Variants in PKD1L3 observed in about 807,000 individuals in gnomAD.
PKD1L3 encodes the protein polycystin 1 like 3, transient receptor potential channel interacting, also known as polycystin-1-like protein 3.
PKD1L3 carries 239 observed loss-of-function variants against 184.1 expected under a neutral mutation model. The ratio of observed to expected loss-of-function variants is 1.30; its 90% CI spans 1.17 to 1.45. The LOEUF (loss-of-function observed/expected upper bound fraction) is 1.45. Among genes scored for constraint, PKD1L3 ranks in the 40% most tolerant of loss-of-function variants. The pLI is 0.00. For missense variants in PKD1L3, 2,660 were observed against 2,067.2 expected (o/e 1.29, Z -5.56); for synonymous variants, 996 against 778.8 (o/e 1.28, Z -4.64).
At position 71,934,610 on chromosome 16, in the gene PKD1L3, C is replaced by T. The variant is rs192285110; in HGVS notation, c.4614-485G>A. Among the ~76,000 whole-genome samples the T allele has an allele frequency of 2.2e-4, 34 of 152,190 alleles. No individual in the cohort carries two copies. The East Asian group carries it at 2.9e-3, about 13-fold the overall frequency. The stretch of plus-strand genomic sequence containing the variant: ...AAAATGATGGGTGGTAGACTAGAGG[C>T]GAGGGGTGTTGCTTAGCAATTAGGT... On this transcript the variant is annotated intron_variant, in intron 26 of 29. Coordinates refer to ENST00000620267, the MANE Select transcript of PKD1L3 (RefSeq NM_181536.2).
rs2037842753 is a variant in PKD1L3, at chr16:71,929,561, C to T, written c.5176G>A (p.Glu1726Lys). The part of the protein sequence containing the change: ...AATTAVGSDT[E>K]VLDELP ...GATTAAGGTAGTTCATCTAAAACTTCAGTGTCACTGCCCACTGCTGTCGTG... is the reference window on the plus strand; with the variant it reads ...GATTAAGGTAGTTCATCTAAAACTTTAGTGTCACTGCCCACTGCTGTCGTG... The change falls in exon 30 of 30, where the codon GAA becomes AAA. Residue 1726 changes from glutamate to lysine, a missense_variant. Coordinates refer to ENST00000620267, the MANE Select transcript of PKD1L3 (RefSeq NM_181536.2). 2.6e-6 allele frequency: 4 copies of T among 1,551,106 alleles called. No homozygotes were observed. In the African/African-American group the frequency reaches 4.1e-5, roughly 16 times the overall value.
intron 12 of PKD1L3, among the ~76,000 whole-genome samples, chr16:71,972,299 C>T (rs56121774): frequency 0.42 from 63,829 of 151,982 alleles, 13,825 homozygotes; most frequent in African/African-American, 0.47. Context: ...CTGGGGAGGC[C>T]GAGGCAGGAG....
intron 16 of PKD1L3, among the ~76,000 whole-genome samples, chr16:71,959,262 T>C (rs1275210391): frequency 6.6e-6 from 1 of 151,546 alleles, no homozygotes; most frequent in African/African-American, 2.4e-5. Flanking sequence ...AATACAAAAT[T>C]AGTCGGGCAT....
intron 16 of PKD1L3, among the ~76,000 whole-genome samples, chr16:71,961,465 C>T (rs374081261): frequency 6.6e-6 from 1 of 152,066 alleles, no homozygotes; most frequent in East Asian, 1.9e-4. Flanking sequence ...ACATAAAAGG[C>T]TAAAGCCCCT....
In PKD1L3 at chr16:71,935,254, T is replaced by C. The variant is rs541772665; in HGVS notation, c.4613+104A>G. ...AAGTTCTCTTTTAACTCTAATGTTA[T>C]GCAAATACAGATCTGGTAGGGGAGT... On this transcript the variant is annotated intron_variant, in intron 26 of 29. Coordinates refer to ENST00000620267, the MANE Select transcript of PKD1L3 (RefSeq NM_181536.2). 177 of 1,238,982 alleles carry C rather than the reference T, an allele frequency of 1.4e-4. 4 individuals carry two copies. Among genetic ancestry groups the C allele is most frequent in the South Asian group, 1.4e-3 (87 of 61,242 alleles). 76.7% of individuals were successfully genotyped at this position (1,238,982 alleles called of 1,614,324 possible). A position where few individuals can be genotyped will look rare whatever the true frequency, so the allele number is the denominator to read the frequency against.
At chr16:71,934,358 C>T (rs976578107) in intron 26 of PKD1L3, among the ~76,000 whole-genome samples, 5 of 152,046 alleles carry the variant, frequency 3.3e-5, no homozygotes, top group East Asian at 1.9e-4. Context: ...GGAGCTGTGC[C>T]GAAGAAGCCT....
Position 71,933,531 on chromosome 16 carries a change from A to C in PKD1L3, c.4825-10T>G. ...CAAACAGCAGGTTAAACTGAACAGA[A>C]GGAGAAAGGCCAGTTAGTGCAAGCC... On this transcript the variant is annotated splice_polypyrimidine_tract_variant and intron_variant, in intron 27 of 29. Coordinates refer to ENST00000620267, the MANE Select transcript of PKD1L3 (RefSeq NM_181536.2). The C allele has an allele frequency of 6.5e-7, 1 of 1,537,492 alleles. No individual in the cohort carries two copies. The highest frequency in any genetic ancestry group is 1.2e-5 in the South Asian group (1 of 83,758).
At position 71,942,556 on chromosome 16, in the gene PKD1L3, T is replaced by C; in HGVS notation, c.4324+4A>G. The C allele has an allele frequency of 1.3e-6, 2 of 1,548,792 alleles. No individual in the cohort carries two copies. The highest frequency in any genetic ancestry group is 1.7e-6 in the Non-Finnish European group (2 of 1,144,744). ...GGTTGAATTCCAGGGGTCACTCCAG[T>C]TACCTCTCATGATGTAACTGAATCC... On this transcript the variant is annotated splice_donor_region_variant and intron_variant, in intron 24 of 29. Transcript: ENST00000620267.
rs1474347554 is a variant in PKD1L3, at chr16:71,936,779, T to C, written c.4452+513A>G. On this transcript the variant is annotated intron_variant, in intron 25 of 29. Transcript: ENST00000620267. Reference sequence around the variant, plus strand: ...ACTACAGGCATGAGCCAATCATTTGTATTTTTGAGTGCTTGCTCTTTGTTC... The same window carrying C: ...ACTACAGGCATGAGCCAATCATTTGCATTTTTGAGTGCTTGCTCTTTGTTC... 2.0e-5 allele frequency among the ~76,000 whole-genome samples: 3 copies of C among 152,132 alleles called. No individual in the cohort carries two copies. In the East Asian group the frequency reaches 5.8e-4, roughly 29 times the overall value.
In PKD1L3 at chr16:71,999,983, T is replaced by C; in HGVS notation, c.-5A>G. 1 of 1,510,862 alleles carries C rather than the reference T, an allele frequency of 6.6e-7. No individual in the cohort carries two copies. The highest frequency in any genetic ancestry group is 8.9e-7 in the Non-Finnish European group (1 of 1,122,434). 93.6% of individuals were successfully genotyped at this position (1,510,862 alleles called of 1,614,324 possible). ...GCTTCCTCCTTTGAAGAACATTTTC[T>C]CTGAATTGTAGCAAGAAAAAGTGTG... On this transcript the variant is annotated 5_prime_UTR_variant, in exon 1 of 30. Transcript: ENST00000620267.
chr16:71,979,756 C>T, intron 9 of PKD1L3, 30 bp downstream of exon 9: 1 of 1,471,320 alleles, frequency 6.8e-7, no homozygotes, highest in African/African-American at 1.4e-5. Context: ...ATCCCATTTT[C>T]ATTCTGATCA....
At position 71,942,956 on chromosome 16, in the gene PKD1L3, G is replaced by A. The variant is rs1298754726; in HGVS notation, c.3928C>T (p.Leu1310Phe). The change falls in exon 24 of 30, where the codon CTC becomes TTC. Residue 1310 changes from leucine (L) to phenylalanine (F), a missense_variant. Coordinates refer to ENST00000620267, the MANE Select transcript of PKD1L3 (RefSeq NM_181536.2). ...YSAKNSNRFY[L>F]HQAIWKTFSH... ...AATGTCTTCCAGATAGCTTGGTGGAGGTAAAATCTATTGGAGTTCTTTGCA... is the reference window on the plus strand; with the variant it reads ...AATGTCTTCCAGATAGCTTGGTGGAAGTAAAATCTATTGGAGTTCTTTGCA... The A allele has an allele frequency of 4.5e-6, 7 of 1,551,384 alleles. No homozygotes were observed. The highest frequency in any genetic ancestry group is 6.1e-6 in the Non-Finnish European group (7 of 1,146,902).
rs1488807911 is a variant in PKD1L3, at chr16:71,973,526, AAAG to A, written c.1760-12_1760-10del. 7.7e-6 allele frequency: 12 copies of A among 1,549,482 alleles called. No homozygotes were observed. In the South Asian group the frequency reaches 1.1e-4, roughly 14 times the overall value. Reference sequence around the variant, plus strand: ...CCACGTGTACTCCTCATCTTAGAACAAAGAAGAGTGCTTACTTGTATATCAAAT... The same window carrying A: ...CCACGTGTACTCCTCATCTTAGAACAAAGAGTGCTTACTTGTATATCAAAT... On this transcript the variant is annotated splice_polypyrimidine_tract_variant and intron_variant, in intron 11 of 29. Coordinates refer to ENST00000620267, the MANE Select transcript of PKD1L3 (RefSeq NM_181536.2).
chr16:71,946,107 C>T (rs2038594025), intron 22 of PKD1L3, among the ~76,000 whole-genome samples: 1 of 152,162 alleles, frequency 6.6e-6, no homozygotes, highest in Admixed American at 6.5e-5. Flanking sequence ...TACAGGCATG[C>T]ACCACCACAC....
At chr16:71,994,575 T>C (rs1325177395) in intron 2 of PKD1L3, among the ~76,000 whole-genome samples, 2 of 152,204 alleles carry the variant, frequency 1.3e-5, no homozygotes, top group Non-Finnish European at 2.9e-5. Context: ...CAGCAACTTA[T>C]ATTGGCCTCA....
intron 17 of PKD1L3, among the ~76,000 whole-genome samples, chr16:71,953,669 C>T (rs2038936053): frequency 1.3e-5 from 2 of 152,102 alleles, no homozygotes; most frequent in Non-Finnish European, 2.9e-5. Context: ...TCTCGGCTCA[C>T]TGCAACCTCC....
At chr16:71,934,207 G>T (rs1466739765) in intron 26 of PKD1L3, 82 bp from the exon 27 acceptor site, 3 of 1,320,502 alleles carry the variant, frequency 2.3e-6, no homozygotes, top group Admixed American at 2.0e-5. Context: ...GCTGCTGATC[G>T]TGGCAGCCCT....
At position 71,967,982 on chromosome 16, in the gene PKD1L3, T is replaced by C; in HGVS notation, c.2210A>G (p.Asn737Ser). The C allele has an allele frequency of 6.4e-7, 1 of 1,551,484 alleles. No homozygotes were observed. The highest frequency in any genetic ancestry group is 8.7e-7 in the Non-Finnish European group (1 of 1,146,832). The stretch of plus-strand genomic sequence containing the variant: ...GTAGTGAAATTGAGCGCTGGGGTCA[T>C]TATCAGCCAGGACAGTGACCTTCAC... ...QKVKVTVLAD[N>S]DPSAQFHYLI... Residue 737 changes from asparagine to serine, a missense_variant, in exon 14 of 30, where the codon AAT becomes AGT. Transcript: ENST00000620267.
At position 71,990,254 on chromosome 16, in the gene PKD1L3, T is replaced by C. The variant is rs775493274; in HGVS notation, c.585+26A>G. ...TGACAAAGAGATCAACATTTCACAA[T>C]GTATGTTGTCAAGGGAAGCACTTAC... On this transcript the variant is annotated intron_variant, in intron 4 of 29. Coordinates refer to ENST00000620267, the MANE Select transcript of PKD1L3 (RefSeq NM_181536.2). 9 of 1,512,876 alleles carry C rather than the reference T, an allele frequency of 5.9e-6. No homozygotes were observed. The African/African-American group carries it at 6.9e-5, about 12-fold the overall frequency. The allele number at this position is 1,512,876 out of a possible 1,614,324, so 93.7% of individuals were successfully genotyped here.
Sources: allele counts gnomAD v4.1 joint callset (sites outside exome capture counted in the v4.1 genomes callset), GRCh38; gene constraint gnomAD v4.1.1; transcripts MANE v1.5; gene names NCBI Gene and HGNC (gene_info 2026-07-23, HGNC 2026-07-21).